WNT8B: variants seen among roughly 807,000 people sequenced by gnomAD.
WNT8B encodes protein Wnt-8b.
WNT8B carries 24 observed loss-of-function variants against 36.6 expected under a neutral mutation model. The ratio of observed to expected loss-of-function variants is 0.66; its 90% confidence interval spans 0.48 to 0.92. The LOEUF (loss-of-function observed/expected upper bound fraction) is 0.92. Among genes scored for constraint, WNT8B ranks in the 40% least tolerant of loss-of-function variants. The pLI is 0.00. For synonymous variants in WNT8B, 199 were observed against 189.8 expected, an observed-to-expected ratio of 1.05 and a Z score of -0.40; for missense variants, 402 against 470.8, an observed-to-expected ratio of 0.85 and a Z score of 1.35.
chr10:100,468,787 T>C (rs994868487), intron 1 of WNT8B, among the ~76,000 whole-genome samples: 1 of 152,248 alleles, frequency 6.6e-6, no homozygotes, highest in Non-Finnish European at 1.5e-5. Context: ...CTGCCTGAGC[T>C]TCTTTAGCAA....
chr10:100,471,724 C>G (rs924601698), intron 1 of WNT8B, among the ~76,000 whole-genome samples: 1 of 152,190 alleles, frequency 6.6e-6, no homozygotes, highest in Admixed American at 6.5e-5. Context: ...ACTTACCTAG[C>G]TGTGTGAGGC....
Position 100,482,110 on chromosome 10 carries a change from C to G in WNT8B, c.510+56C>G. ...CTGCTGGCTATATCCACTACCAGCTCCAGGTGCGGACAACTCTTCAGTTCA... is the reference window on the plus strand; with the variant it reads ...CTGCTGGCTATATCCACTACCAGCTGCAGGTGCGGACAACTCTTCAGTTCA... On this transcript the variant is annotated intron_variant, in intron 5 of 5. Coordinates refer to ENST00000343737, the MANE Select transcript of WNT8B (RefSeq NM_003393.4). The surrounding 1 kb of genome is among the most constrained non-coding windows in gnomAD (Gnocchi z 6.6). 1 of 1,608,382 alleles carries G rather than the reference C, an allele frequency of 6.2e-7. No homozygotes were observed. The highest frequency in any genetic ancestry group is 8.5e-7 in the Non-Finnish European group (1 of 1,176,104).
rs747103316 is a variant in WNT8B at position 100,482,319 on chromosome 10, G to A, written c.559G>A (p.Gly187Ser). The A allele has an allele frequency of 1.3e-6, 2 of 1,599,796 alleles. No homozygotes were observed. Among genetic ancestry groups the A allele is most frequent in the Non-Finnish European group, 1.7e-6 (2 of 1,178,274 alleles). The part of the protein sequence containing the change: ...KRTCKCHGVS[G>S]SCTTQTCWLQ... ...CACGTGCAAGTGCCACGGCGTGTCT[G>A]GCAGCTGCACCACGCAGACCTGTTG... Residue 187 changes from glycine to serine, a missense_variant, in exon 6 of 6, where the codon GGC (glycine) becomes AGC (serine). Physicochemically the swap from Gly to Ser is moderately conservative, Grantham distance 56 (BLOSUM62 0). Coordinates refer to ENST00000343737, the MANE Select transcript of WNT8B (RefSeq NM_003393.4). The surrounding 1 kb of genome is among the most constrained non-coding windows in gnomAD (Gnocchi z 6.6).
chr10:100,464,271 G>C (rs934271025), intron 1 of WNT8B, among the ~76,000 whole-genome samples: 72 of 152,222 alleles, frequency 4.7e-4, no homozygotes, highest in African/African-American at 1.7e-3. Context: ...CTATTTGCAA[G>C]TTAATACAAT....
rs1851123128 is a variant in WNT8B, at chr10:100,482,253, T to C, written c.511-18T>C. The C allele has an allele frequency of 6.4e-7, 1 of 1,569,792 alleles. No homozygotes were observed. The highest frequency in any genetic ancestry group is 8.6e-7 in the Non-Finnish European group (1 of 1,163,262). On this transcript the variant is annotated intron_variant, in intron 5 of 5. Transcript: ENST00000343737. This position sits in a 1 kb window ranked among gnomAD's most constrained non-coding sequence, Gnocchi z 6.6. ...ACGCGCTTAATCCGGGGCCTCTCAC[T>C]CCTAGCTCTCTCCCCAGGCGGTGAA...
intron 1 of WNT8B, among the ~76,000 whole-genome samples, chr10:100,470,283 C>A (rs1227396824): frequency 2.0e-5 from 3 of 152,150 alleles, no homozygotes; most frequent in African/African-American, 7.2e-5. Context: ...TGCCACCATA[C>A]CTGGCTAAGT....
intron 1 of WNT8B, among the ~76,000 whole-genome samples, chr10:100,475,496 T>C (rs1851027880): frequency 6.6e-6 from 1 of 152,216 alleles, no homozygotes; most frequent in Non-Finnish European, 1.5e-5. Context: ...GACCTGGATA[T>C]CATACAAATC....
At chr10:100,474,273 T>C (rs1851009359) in intron 1 of WNT8B, among the ~76,000 whole-genome samples, 1 of 152,128 alleles carries the variant, frequency 6.6e-6, no homozygotes, top group South Asian at 2.1e-4. Context: ...CATCTGGGAG[T>C]ATACTGTTTT....
At chr10:100,477,671 A>G (rs1851055511) in intron 1 of WNT8B, among the ~76,000 whole-genome samples, 2 of 152,212 alleles carry the variant, frequency 1.3e-5, no homozygotes, top group Admixed American at 6.5e-5. Context: ...TAAAGTGGCT[A>G]TGAGCATCCA....
At chr10:100,480,303 A>G (rs1183814083) in intron 3 of WNT8B, among the ~76,000 whole-genome samples, 1 of 152,184 alleles carries the variant, frequency 6.6e-6, no homozygotes, top group Non-Finnish European at 1.5e-5. Context: ...AATGTAAGTA[A>G]TATCAGGAGG....
At chr10:100,465,799 T>G (rs1850901994) in intron 1 of WNT8B, among the ~76,000 whole-genome samples, 2 of 152,170 alleles carry the variant, frequency 1.3e-5, no homozygotes, top group Admixed American at 1.3e-4. Flanking sequence ...TACATGCATC[T>G]CATAGAGTAA....
intron 1 of WNT8B, among the ~76,000 whole-genome samples, chr10:100,465,452 G>T (rs1353586189): frequency 2.0e-5 from 3 of 152,106 alleles, no homozygotes; most frequent in Non-Finnish European, 2.9e-5. Flanking sequence ...TTACTCATCT[G>T]GAATGAGCAG....
chr10:100,479,162 T>C lies in WNT8B; in HGVS notation c.102+77T>C, dbSNP rs1564644893. On this transcript the variant is annotated intron_variant, in intron 2 of 5. Coordinates refer to ENST00000343737, the MANE Select transcript of WNT8B (RefSeq NM_003393.4). ...GACTAAAGATGATAAATGCAGATTT[T>C]TCATTATATCCACATATTTTATTAT... 4 of 1,353,876 alleles carry C rather than the reference T, an allele frequency of 3.0e-6. No homozygotes were observed. In the East Asian group the frequency reaches 9.3e-5, roughly 32 times the overall value. The allele number at this position is 1,353,876 out of a possible 1,614,324, so 83.9% of individuals were successfully genotyped here.
At chr10:100,474,629 A>ATCTTGGCTCACTGTAAAC (rs758319472) in intron 1 of WNT8B, among the ~76,000 whole-genome samples, 8 of 152,058 alleles carry the variant, frequency 5.3e-5, no homozygotes, top group Non-Finnish European at 1.2e-4. Context: ...CAGTGGCACG[A>ATCTTGGCTCACTGTAAAC]TCTTGGCTCA....
rs1219853976 is a variant in WNT8B at position 100,472,040 on chromosome 10, C to T, written c.69-7012C>T. Among the ~76,000 whole-genome samples the T allele has an allele frequency of 2.0e-5, 3 of 150,642 alleles. No homozygotes were observed. The East Asian group carries it at 5.9e-4, about 30-fold the overall frequency. ...TGAAACCCCATCTCTACTAAAAATA[C>T]AAAAATTAGCCAGCATGGTGGCATG... On this transcript the variant is annotated intron_variant, in intron 1 of 5. Coordinates refer to ENST00000343737, the MANE Select transcript of WNT8B (RefSeq NM_003393.4).
Position 100,482,556 on chromosome 10 carries a change from GGCACCGAAGGCCGAGAGT to G in WNT8B, c.799_816del (p.Thr267_Cys272del). 1 of 1,598,680 alleles carries G rather than the reference GGCACCGAAGGCCGAGAGT, an allele frequency of 6.3e-7. No homozygotes were observed. The highest frequency in any genetic ancestry group is 1.1e-5 in the South Asian group (1 of 90,754). On this transcript the variant is annotated inframe_deletion, in exon 6 of 6. Coordinates refer to ENST00000343737, the MANE Select transcript of WNT8B (RefSeq NM_003393.4). This position sits in a 1 kb window ranked among gnomAD's most constrained non-coding sequence, Gnocchi z 6.6. ...GGAGAACAAAACGCTAGGGCTGCTG[GGCACCGAAGGCCGAGAGT>G]GCCTAAGGCGCGGGCGGGCCCTGGG...
intron 1 of WNT8B, among the ~76,000 whole-genome samples, chr10:100,478,532 G>T (rs1011122629): frequency 1.3e-5 from 2 of 151,902 alleles, no homozygotes; most frequent in African/African-American, 4.8e-5. Flanking sequence ...GCAAGGAAAT[G>T]ATACTACTTT....
At position 100,483,065 on chromosome 10, in the gene WNT8B, T is replaced by G; in HGVS notation, c.*249T>G. On this transcript the variant is annotated 3_prime_UTR_variant, in exon 6 of 6. Coordinates refer to ENST00000343737, the MANE Select transcript of WNT8B (RefSeq NM_003393.4). ...GAGAACTCAGGCTTTGAGTTACTGATCTTCCTTGGATTAGGAGAACAGGTG... is the reference window on the plus strand; with the variant it reads ...GAGAACTCAGGCTTTGAGTTACTGAGCTTCCTTGGATTAGGAGAACAGGTG... 2.2e-6 allele frequency: 1 copy of G among 455,586 alleles called. No individual in the cohort carries two copies. Among genetic ancestry groups the G allele is most frequent in the Non-Finnish European group, 3.8e-6 (1 of 261,796 alleles). The allele number at this position is 455,586 out of a possible 1,614,324, so 28.2% of individuals were successfully genotyped here.
intron 1 of WNT8B, 113 bp from the exon 2 acceptor site, chr10:100,478,938 TC>T: frequency 1.1e-6 from 1 of 894,228 alleles, no homozygotes; most frequent in Non-Finnish European, 1.7e-6. Flanking sequence ...AAAACTAGTT[TC>T]CCTTTCTTCC....
Sources: allele counts gnomAD v4.1 joint callset (sites outside exome capture counted in the v4.1 genomes callset), GRCh38; gene constraint gnomAD v4.1.1; non-coding constraint Gnocchi (gnomAD v3.1); transcripts MANE v1.5; gene names NCBI Gene and HGNC (gene_info 2026-07-23, HGNC 2026-07-21).